FUT8: variants seen among roughly 807,000 people sequenced by gnomAD.
FUT8 encodes the protein fucosyltransferase 8, also known as alpha-(1,6)-fucosyltransferase.
A neutral mutation model predicts 71.3 loss-of-function variants in FUT8; 29 were observed. That is an observed-to-expected ratio of 0.41 (90% CI 0.30 to 0.55). The LOEUF (loss-of-function observed/expected upper bound fraction) is 0.55, where lower values mean the gene tolerates loss of function less well. FUT8 is among the 20% of genes least tolerant of loss of function. FUT8 has a pLI of 0.34. For missense variants in FUT8, 544 were observed against 702.1 expected (o/e 0.77, Z 2.55); for synonymous variants, 254 against 239.3 (o/e 1.06, Z -0.57).
chr14:65,389,473 G>A, the FUT8 span, among the ~76,000 whole-genome samples: 11 of 151,848 alleles, frequency 7.2e-5, no homozygotes, highest in Middle Eastern at 3.4e-3. Flanking sequence ...CAACAAGCCC[G>A]GCTAATTTTT....
At chr14:65,369,865 C>T in the FUT8 span, among the ~76,000 whole-genome samples, 4 of 152,284 alleles carry the variant, frequency 2.6e-5, no homozygotes, top group African/African-American at 7.2e-5. The surrounding 1 kb of genome is among the most constrained non-coding windows in gnomAD (Gnocchi z 4.6). Flanking sequence ...ACTGATCTGT[C>T]TATGGAGTAG....
At chr14:65,560,694 T>C (rs1885871276) in intron 2 of FUT8, among the ~76,000 whole-genome samples, 1 of 152,204 alleles carries the variant, frequency 6.6e-6, no homozygotes, top group Non-Finnish European at 1.5e-5. Context: ...GGTATTTTTA[T>C]AAATTTGAGG....
chr14:65,477,548 C>T (rs2066264760), intron 2 of FUT8, among the ~76,000 whole-genome samples: 1 of 152,096 alleles, frequency 6.6e-6, no homozygotes. Flanking sequence ...AGGAGATTTC[C>T]TATAGGATGA....
intron 3 of FUT8, among the ~76,000 whole-genome samples, chr14:65,577,340 G>T (rs1007876873): frequency 6.6e-6 from 1 of 152,052 alleles, no homozygotes; most frequent in Non-Finnish European, 1.5e-5. Flanking sequence ...GAAATGAAAG[G>T]CCTGGGCTTC....
At position 65,456,887 on chromosome 14, in the gene FUT8, A is replaced by T. The variant is rs112553699; in HGVS notation, c.-228+1169A>T. Among the ~76,000 whole-genome samples, 1,241 of 150,134 alleles carry T rather than the reference A, an allele frequency of 8.3e-3. 8 individuals are homozygous for T. The highest frequency in any genetic ancestry group is 0.043 in the South Asian group (204 of 4,704). ...ACTCTGTCTCAAAAAAAAAAAAAAA[A>T]TTTTTTTTTGCATTGATGCATGTTA... On this transcript the variant is annotated intron_variant, in intron 2 of 10. Transcript: ENST00000673929.
At position 65,467,949 on chromosome 14, in the gene FUT8, C is replaced by T. The variant is rs901815451; in HGVS notation, c.-228+12231C>T. On this transcript the variant is annotated intron_variant, in intron 2 of 10. Coordinates refer to ENST00000673929, the MANE Select transcript of FUT8 (RefSeq NM_001371533.1). The surrounding 1 kb of genome is among the most constrained non-coding windows in gnomAD (Gnocchi z 4.1). ...TTTCTCTTTGGCTTCTTTCTTTTTC[C>T]GATCATTTTCCTTTACGTGTTTCAG... 31 of 730,178 alleles carry T rather than the reference C, an allele frequency of 4.2e-5. No homozygotes were observed. The highest frequency in any genetic ancestry group is 1.8e-4 in the Admixed American group (10 of 55,914). 45.2% of individuals were successfully genotyped at this position (730,178 alleles called of 1,614,324 possible).
At chr14:65,448,676 T>TG (rs1595390192) in intron 1 of FUT8, among the ~76,000 whole-genome samples, 1 of 152,010 alleles carries the variant, frequency 6.6e-6, no homozygotes, top group East Asian at 1.9e-4. Flanking sequence ...GGGGATGGGG[T>TG]GGGAAAAATA....
At chr14:65,452,562 G>C (rs1053567742) in intron 1 of FUT8, among the ~76,000 whole-genome samples, 2 of 152,186 alleles carry the variant, frequency 1.3e-5, no homozygotes, top group African/African-American at 4.8e-5. Context: ...GGCAGCTAGA[G>C]TTCACAAGGT....
chr14:65,572,372 G>A (rs1442495247), intron 3 of FUT8, among the ~76,000 whole-genome samples: 1 of 152,152 alleles, frequency 6.6e-6, no homozygotes, highest in African/African-American at 2.4e-5. Flanking sequence ...TAGCAGCCCT[G>A]TGAGTAAGTA....
At chr14:65,423,889 C>T (rs756594101) in intron 1 of FUT8, among the ~76,000 whole-genome samples, 21 of 152,336 alleles carry the variant, frequency 1.4e-4, no homozygotes, top group Non-Finnish European at 2.8e-4. Flanking sequence ...TTTGCATCTG[C>T]TGGTGTGCCT....
chr14:65,599,643 A>G (rs577629594), intron 3 of FUT8, among the ~76,000 whole-genome samples: 1 of 152,298 alleles, frequency 6.6e-6, no homozygotes, highest in East Asian at 1.9e-4. Context: ...TTTGGTATGC[A>G]AGGTTTACAA....
At chr14:65,433,902 C>G (rs1052008256) in intron 1 of FUT8, among the ~76,000 whole-genome samples, 1 of 151,970 alleles carries the variant, frequency 6.6e-6, no homozygotes, top group Non-Finnish European at 1.5e-5. Context: ...GGCCTCAAGC[C>G]GTCCTCCTGC....
intron 3 of FUT8, among the ~76,000 whole-genome samples, chr14:65,611,219 GCGCGCACACACACACA>G (rs1888929706): frequency 3.3e-4 from 1 of 3,028 alleles, no homozygotes; most frequent in African/African-American, 5.1e-4. Flanking sequence ...GCGCGCGCGC[GCGCGCACACACACACA>G]CACACACACA....
intron 7 of FUT8, among the ~76,000 whole-genome samples, chr14:65,676,102 T>C (rs1386494235): frequency 6.6e-6 from 1 of 152,242 alleles, no homozygotes; most frequent in East Asian, 1.9e-4. Context: ...GAAGCACTTT[T>C]ATTAAACTGT....
At chr14:65,694,592 T>G (rs966420771) in intron 7 of FUT8, among the ~76,000 whole-genome samples, 2 of 152,112 alleles carry the variant, frequency 1.3e-5, no homozygotes, top group African/African-American at 4.8e-5. Flanking sequence ...ACACATACAC[T>G]TGTATGTTTA....
In FUT8 at chr14:65,472,142, A is replaced by G. The variant is rs1478335543; in HGVS notation, c.-228+16424A>G. On this transcript the variant is annotated intron_variant, in intron 2 of 10. Transcript: ENST00000673929. The surrounding 1 kb of genome is among the most constrained non-coding windows in gnomAD (Gnocchi z 4.4). ...GCACAGTTCTGCAGGCTGTACAAGAAGTATGGCACCAGGATCGGCTTGTAG... is the reference window on the plus strand; with the variant it reads ...GCACAGTTCTGCAGGCTGTACAAGAGGTATGGCACCAGGATCGGCTTGTAG... Among the ~76,000 whole-genome samples the G allele has an allele frequency of 6.6e-6, 1 of 152,194 alleles. No homozygotes were observed. The highest frequency in any genetic ancestry group is 1.5e-5 in the Non-Finnish European group (1 of 68,034).
chr14:65,677,164 G>GCGCA (rs1892793707), intron 7 of FUT8, among the ~76,000 whole-genome samples: 1 of 123,212 alleles, frequency 8.1e-6, no homozygotes, highest in Admixed American at 7.8e-5. Context: ...GCGCGCGCAT[G>GCGCA]CGCGCGCACG....
chr14:65,466,855 A>C (rs2066051288), intron 2 of FUT8, among the ~76,000 whole-genome samples: 1 of 152,146 alleles, frequency 6.6e-6, no homozygotes, highest in Admixed American at 6.5e-5. Flanking sequence ...ACACTTTACC[A>C]CTTCATGGGT....
the FUT8 span, among the ~76,000 whole-genome samples, chr14:65,359,726 C>T: frequency 6.6e-6 from 1 of 152,208 alleles, no homozygotes; most frequent in Admixed American, 6.5e-5. Flanking sequence ...TTTATCCATT[C>T]ATCTGTTGAC....
Sources: allele counts gnomAD v4.1 joint callset (sites outside exome capture counted in the v4.1 genomes callset), GRCh38; gene constraint gnomAD v4.1.1; non-coding constraint Gnocchi (gnomAD v3.1); transcripts MANE v1.5; gene names NCBI Gene and HGNC (gene_info 2026-07-23, HGNC 2026-07-21).